SLC44A3: variants seen among roughly 807,000 people sequenced by gnomAD.
The protein encoded by SLC44A3 is solute carrier family 44 member 3.
In SLC44A3, 74 loss-of-function variants were observed where a neutral mutation model predicts 75.4. The ratio of observed to expected loss-of-function variants is 0.98; its 90% confidence interval spans 0.81 to 1.19. The LOEUF (loss-of-function observed/expected upper bound fraction) is 1.19, where lower values mean the gene tolerates loss of function less well. SLC44A3 is among the 50% of genes most tolerant of loss of function. The pLI, the probability that SLC44A3 is intolerant of heterozygous loss-of-function variation, is 0.00. For synonymous variants in SLC44A3, 310 were observed against 296.9 expected (o/e 1.04, Z -0.45); for missense variants, 700 against 778.6 (o/e 0.90, Z 1.20).
At position 94,820,464 on chromosome 1, in the gene SLC44A3, G is replaced by T. The variant is rs1008259830; in HGVS notation, c.13G>T (p.Gly5Cys). 2 of 1,494,434 alleles carry T rather than the reference G, an allele frequency of 1.3e-6. No individual in the cohort carries two copies. The highest frequency in any genetic ancestry group is 1.9e-4 in the Middle Eastern group (1 of 5,174). The allele number at this position is 1,494,434 out of a possible 1,614,324, so 92.6% of individuals were successfully genotyped here. The change falls in exon 1 of 15, where the codon GGC becomes TGC. Residue 5 changes from glycine (G) to cysteine (C), a missense_variant. By Grantham distance (159) the Gly-to-Cys change is radical. Coordinates refer to ENST00000271227, the MANE Select transcript of SLC44A3 (RefSeq NM_001114106.3). The stretch of plus-strand genomic sequence containing the variant: ...CGGCGAGCGCACGATGCACTGCCTG[G>T]GCGCCGAGTACCTGGTAAGCGCTCG... MHCL[G>C]AEYLVSAEGA... is the part of the protein sequence containing the mutation.
chr1:94,839,147 T>C (rs1663217284), intron 6 of SLC44A3: 1 of 152,218 alleles, frequency 6.6e-6, no homozygotes, highest in Admixed American at 6.5e-5. Context: ...TGATTTCCTA[T>C]GTCGAAAATA....
chr1:94,877,384 T>C (rs1467911159), intron 12 of SLC44A3, among the ~76,000 whole-genome samples: 1 of 152,156 alleles, frequency 6.6e-6, no homozygotes, highest in African/African-American at 2.4e-5. Context: ...GATGTCTTCT[T>C]GCCTCCACTC....
intron 5 of SLC44A3, among the ~76,000 whole-genome samples, chr1:94,830,214 T>C (rs751560188): frequency 6.6e-6 from 1 of 152,166 alleles, no homozygotes; most frequent in Non-Finnish European, 1.5e-5. Context: ...CATTTTTCTA[T>C]AATATTCTTT....
intron 8 of SLC44A3, among the ~76,000 whole-genome samples, chr1:94,843,798 G>A (rs1159037420): frequency 2.8e-5 from 4 of 140,360 alleles, no homozygotes; most frequent in African/African-American, 7.7e-5. Flanking sequence ...ATTTTGAGCC[G>A]AGAAACACCA....
At chr1:94,836,586 G>T (rs1446280202) in intron 5 of SLC44A3, among the ~76,000 whole-genome samples, 3 of 152,178 alleles carry the variant, frequency 2.0e-5, no homozygotes, top group Admixed American at 6.5e-5. Context: ...GGGGTTGGTA[G>T]TTTGTGTCTA....
chr1:94,873,654 C>G (rs1326555679), intron 12 of SLC44A3, among the ~76,000 whole-genome samples: 3 of 152,150 alleles, frequency 2.0e-5, no homozygotes, highest in African/African-American at 2.4e-5. Context: ...GCAGTTAGCT[C>G]TGTTTCAATG....
In SLC44A3 at chr1:94,849,070, G is replaced by A. The variant is rs1461926315; in HGVS notation, c.1072+3606G>A. Among the ~76,000 whole-genome samples, 3 of 152,080 alleles carry A rather than the reference G, an allele frequency of 2.0e-5. No individual in the cohort carries two copies. The East Asian group carries it at 5.8e-4, about 29-fold the overall frequency. On this transcript the variant is annotated intron_variant, in intron 9 of 14. Transcript: ENST00000271227. ...CTGTGCCCCTTAACTGCCAGCCTGT[G>A]CCCCTGACTAGGTCTAGGTTGGGCC...
intron 5 of SLC44A3, 109 bp downstream of exon 5, chr1:94,828,695 C>A: frequency 1.1e-6 from 1 of 941,210 alleles, no homozygotes; most frequent in African/African-American, 1.7e-5. Flanking sequence ...AGAAGAGCCC[C>A]TGCCTGCAGG....
chr1:94,864,208 A>G lies in SLC44A3; in HGVS notation c.1239-535A>G, dbSNP rs370236265. Reference sequence around the variant, plus strand: ...AAGTGACCTTTAAAGAGCAGAGTAGAAACCAGCAGGATTTGGGGAGCCTAG... The same window carrying G: ...AAGTGACCTTTAAAGAGCAGAGTAGGAACCAGCAGGATTTGGGGAGCCTAG... On this transcript the variant is annotated intron_variant, in intron 10 of 14. Transcript: ENST00000271227. Among the ~76,000 whole-genome samples the G allele has an allele frequency of 3.3e-5, 5 of 152,326 alleles. 1 individual carries two copies.
At chr1:94,872,850 G>T (rs1356025897) in intron 12 of SLC44A3, among the ~76,000 whole-genome samples, 4 of 152,178 alleles carry the variant, frequency 2.6e-5, no homozygotes, top group African/African-American at 9.7e-5. Context: ...TTTTCCTGTG[G>T]TGTTCCAAAA....
intron 9 of SLC44A3, among the ~76,000 whole-genome samples, chr1:94,847,938 G>C (rs1449870801): frequency 1.3e-5 from 2 of 152,136 alleles, no homozygotes; most frequent in Admixed American, 1.3e-4. Context: ...ATAAAAATAG[G>C]CCTCTTTAGG....
chr1:94,835,204 C>G (rs1451837077), intron 5 of SLC44A3, among the ~76,000 whole-genome samples: 1 of 152,208 alleles, frequency 6.6e-6, no homozygotes, highest in African/African-American at 2.4e-5. Flanking sequence ...AATCCCAACA[C>G]TTTGAGAGGC....
At position 94,865,231 on chromosome 1, in the gene SLC44A3, G is replaced by T. The variant is rs146923809; in HGVS notation, c.1395+332G>T. The stretch of plus-strand genomic sequence containing the variant: ...AACTCTTAAGGTGAAATTTAAACAA[G>T]TTTTTTTGTGAACATTTATCATGCC... On this transcript the variant is annotated intron_variant, in intron 11 of 14. Transcript: ENST00000271227. 6.5e-3 allele frequency among the ~76,000 whole-genome samples: 995 copies of T among 152,008 alleles called. 14 individuals carry two copies. Among genetic ancestry groups the T allele is most frequent in the African/African-American group, 0.023 (954 of 41,438 alleles).
chr1:94,878,244 A>AAAAC (rs1282521810), intron 12 of SLC44A3, among the ~76,000 whole-genome samples: 1 of 143,084 alleles, frequency 7.0e-6, no homozygotes, highest in Non-Finnish European at 1.5e-5. Flanking sequence ...CAAAAAAACC[A>AAAAC]AAACAAACAA....
At chr1:94,879,838 CAAAAAAA>C (rs763642670) in intron 12 of SLC44A3, among the ~76,000 whole-genome samples, 1 of 60,838 alleles carries the variant, frequency 1.6e-5, no homozygotes, top group African/African-American at 5.3e-5. Flanking sequence ...GATTCTGTCT[CAAAAAAA>C]AAAAAAAAGA....
At chr1:94,873,971 C>T (rs1198622297) in intron 12 of SLC44A3, among the ~76,000 whole-genome samples, 1 of 152,202 alleles carries the variant, frequency 6.6e-6, no homozygotes, top group East Asian at 1.9e-4. Flanking sequence ...GGTTCTGAAT[C>T]CTCCACCCCT....
intron 14 of SLC44A3, 117 bp from the exon 15 acceptor site, chr1:94,894,701 T>C (rs1670582677): frequency 2.6e-6 from 2 of 764,976 alleles, no homozygotes; most frequent in Non-Finnish European, 2.2e-6. Context: ...ATCTGCCTTT[T>C]GTAAGTTAAT....
intron 6 of SLC44A3, 108 bp from the exon 7 acceptor site, chr1:94,839,840 C>T (rs1663342687): frequency 1.1e-5 from 9 of 786,866 alleles, no homozygotes; most frequent in South Asian, 7.4e-5. Context: ...AGATTGAATA[C>T]AATCCTCAGC....
chr1:94,886,747 G>A (rs950012201), intron 12 of SLC44A3, among the ~76,000 whole-genome samples: 12 of 152,072 alleles, frequency 7.9e-5, no homozygotes, highest in Non-Finnish European at 1.0e-4. Flanking sequence ...TCAGCCACTC[G>A]GGACAGTCCC....
Sources: allele counts gnomAD v4.1 joint callset (sites outside exome capture counted in the v4.1 genomes callset), GRCh38; gene constraint gnomAD v4.1.1; transcripts MANE v1.5; gene names NCBI Gene and HGNC (gene_info 2026-07-23, HGNC 2026-07-21).